The following TRHDE variants were observed in gnomAD, a reference collection of about 807,000 sequenced individuals.
TRHDE encodes the protein thyrotropin-releasing hormone-degrading ectoenzyme.
Under a neutral mutation model 125.7 loss-of-function variants are expected in TRHDE, and 72 were observed. The ratio of observed to expected loss-of-function variants is 0.57; its 90% CI spans 0.47 to 0.70. The LOEUF (loss-of-function observed/expected upper bound fraction) is 0.70. Ranked by LOEUF, TRHDE falls within the 30% of genes least tolerant of loss-of-function variation. TRHDE has a pLI of 0.00. For missense variants in TRHDE, 1,110 were observed against 1,327.1 expected (o/e 0.84, Z 2.54); for synonymous variants, 509 against 509.1 (o/e 1.00, Z 0.00).
chr12:72,359,522 T>A (rs769373514), intron 2 of TRHDE, among the ~76,000 whole-genome samples: 6 of 151,646 alleles, frequency 4.0e-5, no homozygotes, highest in Non-Finnish European at 8.9e-5. Flanking sequence ...AACAATAGAT[T>A]AGAAATAGGA....
intron 2 of TRHDE, among the ~76,000 whole-genome samples, chr12:72,348,383 G>C (rs1870428686): frequency 6.6e-6 from 1 of 151,928 alleles, no homozygotes; most frequent in Admixed American, 6.6e-5. Context: ...CCACTGGTGA[G>C]GCAGTTAATC....
chr12:72,637,133 C>T lies in TRHDE; in HGVS notation c.2676-15189C>T, dbSNP rs867591401. 2.2e-3 allele frequency among the ~76,000 whole-genome samples: 328 copies of T among 152,010 alleles called. 1 individual carries two copies. Among genetic ancestry groups the T allele is most frequent in the South Asian group, 6.9e-3 (33 of 4,808 alleles). On this transcript the variant is annotated intron_variant, in intron 15 of 18. Coordinates refer to ENST00000261180, the MANE Select transcript of TRHDE (RefSeq NM_013381.3). ...ATTCGGCTGTGAATCCATCTGGTCCCGGACTCTTTTTGGTTGGTAAGCTAT... is the reference window on the plus strand; with the variant it reads ...ATTCGGCTGTGAATCCATCTGGTCCTGGACTCTTTTTGGTTGGTAAGCTAT...
intron 5 of TRHDE, among the ~76,000 whole-genome samples, chr12:72,483,550 T>C (rs1877272013): frequency 6.6e-6 from 1 of 152,010 alleles, no homozygotes; most frequent in African/African-American, 2.4e-5. Context: ...TTATACTTTA[T>C]AAATGGATTG....
intron 1 of TRHDE, among the ~76,000 whole-genome samples, chr12:72,095,658 C>A (rs532412876): frequency 6.6e-6 from 1 of 152,150 alleles, no homozygotes; most frequent in Non-Finnish European, 1.5e-5. Flanking sequence ...AGTGATAGCA[C>A]GCTGGTAGGA....
At chr12:72,559,857 C>A (rs1206010768) in intron 7 of TRHDE, among the ~76,000 whole-genome samples, 1 of 152,018 alleles carries the variant, frequency 6.6e-6, no homozygotes, top group East Asian at 1.9e-4. Context: ...ACCAAGACTT[C>A]TATAGCTTCA....
chr12:72,424,553 A>C (rs1874103530), intron 3 of TRHDE, among the ~76,000 whole-genome samples: 1 of 152,172 alleles, frequency 6.6e-6, no homozygotes, highest in Admixed American at 6.6e-5. Context: ...GTATTGTTTT[A>C]AGCCACTAAA....
At chr12:72,634,555 G>A (rs986173903) in intron 15 of TRHDE, among the ~76,000 whole-genome samples, 5 of 151,222 alleles carry the variant, frequency 3.3e-5, no homozygotes, top group Non-Finnish European at 5.9e-5. Flanking sequence ...CAATGTGCAC[G>A]TTACTTACAT....
At chr12:72,303,282 C>G (rs1420120000) in intron 2 of TRHDE, 1 of 152,208 alleles carries the variant, frequency 6.6e-6, no homozygotes. Flanking sequence ...GAAACAGCTT[C>G]TCATGTGGAA....
chr12:72,199,288 CA>C (rs976210126), intron 2 of TRHDE, among the ~76,000 whole-genome samples: 12 of 152,040 alleles, frequency 7.9e-5, no homozygotes, highest in African/African-American at 2.9e-4. Flanking sequence ...TAAAAAAAAA[CA>C]GCTTAAATAT....
intron 3 of TRHDE, among the ~76,000 whole-genome samples, chr12:72,444,452 T>A (rs1333218058): frequency 1.3e-5 from 2 of 150,826 alleles, no homozygotes; most frequent in South Asian, 2.1e-4. Flanking sequence ...ATACCCAACA[T>A]TTTTTTTTGA....
At chr12:72,329,422 A>G (rs1869482032) in intron 2 of TRHDE, among the ~76,000 whole-genome samples, 2 of 152,228 alleles carry the variant, frequency 1.3e-5, no homozygotes, top group Admixed American at 1.3e-4. Flanking sequence ...GGGAAATCAG[A>G]GATTTACTCT....
intron 2 of TRHDE, among the ~76,000 whole-genome samples, chr12:72,169,788 C>T (rs1876830492): frequency 6.6e-6 from 1 of 152,140 alleles, no homozygotes; most frequent in Non-Finnish European, 1.5e-5. Context: ...ACCTTAATTA[C>T]ATCCTTCAAG....
At chr12:72,142,222 A>G (rs1308720370) in intron 2 of TRHDE, among the ~76,000 whole-genome samples, 1 of 152,142 alleles carries the variant, frequency 6.6e-6, no homozygotes, top group Non-Finnish European at 1.5e-5. Flanking sequence ...TAAGCCTGTA[A>G]AGTCCCAGGA....
intron 12 of TRHDE, among the ~76,000 whole-genome samples, chr12:72,595,493 A>G (rs1428464451): frequency 1.3e-5 from 2 of 152,182 alleles, no homozygotes; most frequent in East Asian, 3.9e-4. Context: ...CAGAGTGACT[A>G]ATTTTAAAAC....
intron 6 of TRHDE, among the ~76,000 whole-genome samples, chr12:72,515,394 G>A (rs1455427071): frequency 3.3e-5 from 5 of 149,254 alleles, no homozygotes; most frequent in African/African-American, 5.0e-5. Flanking sequence ...GCCAGTGATG[G>A]TGAGCATTTT....
At chr12:72,320,567 G>GTGTGTT (rs1869039070) in intron 2 of TRHDE, among the ~76,000 whole-genome samples, 2 of 151,744 alleles carry the variant, frequency 1.3e-5, no homozygotes, top group South Asian at 4.2e-4. Context: ...GTGTGTGTGT[G>GTGTGTT]TGTGTGTGTG....
chr12:72,325,369 C>A (rs1267730224), intron 2 of TRHDE, among the ~76,000 whole-genome samples: 1 of 151,800 alleles, frequency 6.6e-6, no homozygotes, highest in Non-Finnish European at 1.5e-5. Flanking sequence ...TCACATGTAT[C>A]CCAGAAAGGA....
chr12:72,638,375 C>T (rs987398084), intron 15 of TRHDE, among the ~76,000 whole-genome samples: 4 of 152,050 alleles, frequency 2.6e-5, no homozygotes, highest in African/African-American at 9.7e-5. Flanking sequence ...TCTTCCATCC[C>T]TTTATTTTGA....
intron 2 of TRHDE, among the ~76,000 whole-genome samples, chr12:72,310,856 ATG>A (rs1868510721): frequency 6.6e-6 from 1 of 152,088 alleles, no homozygotes; most frequent in Non-Finnish European, 1.5e-5. Flanking sequence ...GAATTTATTC[ATG>A]TATAGAATGT....
Sources: allele counts gnomAD v4.1 joint callset (sites outside exome capture counted in the v4.1 genomes callset), GRCh38; gene constraint gnomAD v4.1.1; transcripts MANE v1.5; gene names NCBI Gene and HGNC (gene_info 2026-07-23, HGNC 2026-07-21).